The following VPS13A variants were observed in gnomAD, a reference collection of about 807,000 sequenced individuals.
The protein encoded by VPS13A is intermembrane lipid transfer protein VPS13A.
Under a neutral mutation model 390.9 loss-of-function variants are expected in VPS13A, and 264 were observed. That is an observed-to-expected ratio of 0.68 (90% confidence interval 0.61 to 0.75). The LOEUF is 0.75. Among genes scored for constraint, VPS13A ranks in the 30% least tolerant of loss-of-function variants. The pLI is 0.00. For synonymous variants in VPS13A, 1,231 were observed against 1,227.1 expected, an observed-to-expected ratio of 1.00 and a Z score of -0.07; for missense variants, 3,409 against 3,733.9, an observed-to-expected ratio of 0.91 and a Z score of 2.27.
At chr9:77,249,022 G>A (rs573667695) in intron 20 of VPS13A, among the ~76,000 whole-genome samples, 4 of 152,284 alleles carry the variant, frequency 2.6e-5, no homozygotes, top group South Asian at 4.1e-4. Context: ...GTGAGCCACC[G>A]CGCCTGGCCT....
chr9:77,384,804 C>A, intron 68 of VPS13A: 1 of 1,489,402 alleles, frequency 6.7e-7, no homozygotes, highest in South Asian at 1.3e-5. Context: ...AAAATGTTTT[C>A]CTACACATTT....
At chr9:77,313,957 ATTTTC>A (rs780704043) in intron 35 of VPS13A, 30 bp from the exon 36 acceptor site, 1 of 1,588,682 alleles carries the variant, frequency 6.3e-7, no homozygotes, top group East Asian at 2.4e-5. Context: ...TTTTCATGAT[ATTTTC>A]TTTTATTAAA....
In VPS13A at chr9:77,371,109, A is replaced by T. The variant is rs185663133; in HGVS notation, c.9037A>T (p.Ile3013Phe). ...VGAVARPTGG[I>F]IDMASSTFQG... ...AGCGGTAGCAAGGCCAACTGGAGGC[A>T]TCATAGACATGGCTAGCAGTACATT... The change falls in exon 67 of 72, where the codon ATC becomes TTC. Residue 3013 changes from isoleucine (I) to phenylalanine (F), a missense_variant. Coordinates refer to ENST00000360280, the MANE Select transcript of VPS13A (RefSeq NM_033305.3). 1 of 1,614,152 alleles carries T rather than the reference A, an allele frequency of 6.2e-7. No homozygotes were observed. Among genetic ancestry groups the T allele is most frequent in the Admixed American group, 1.7e-5 (1 of 60,010 alleles).
rs1286349838 is a variant in VPS13A, at chr9:77,403,429, C to T, written c.9275+108C>T. 12 of 899,766 alleles carry T rather than the reference C, an allele frequency of 1.3e-5. No homozygotes were observed. The Admixed American group carries it at 2.0e-4, about 15-fold the overall frequency. The allele number at this position is 899,766 out of a possible 1,614,324, so 55.7% of individuals were successfully genotyped here. A position where few individuals can be genotyped will look rare whatever the true frequency, so the allele number is the denominator to read the frequency against. The stretch of plus-strand genomic sequence containing the variant: ...TTTGTTCCATATAGTCACACTGATT[C>T]TTGGGTCTTCTTGCTCCACAAGCCT... On this transcript the variant is annotated intron_variant, in intron 69 of 71. Transcript: ENST00000360280.
intron 54 of VPS13A, among the ~76,000 whole-genome samples, chr9:77,356,499 C>G (rs1048450478): frequency 2.0e-5 from 3 of 152,174 alleles, no homozygotes; most frequent in Non-Finnish European, 4.4e-5. Flanking sequence ...GAGATGTTCA[C>G]TGATAACGGC....
In VPS13A at chr9:77,177,821, C is replaced by CGCCGCT. The variant is rs1220968232; in HGVS notation, c.100+18_100+23dup. The stretch of plus-strand genomic sequence containing the variant: ...TCTGGAAAGGTAAGGAGGCCGCCGC[C>CGCCGCT]GCCGCTCCCCGGCCTCTCGTGCTTC... On this transcript the variant is annotated intron_variant, in intron 1 of 71. Transcript: ENST00000360280. 6.3e-7 allele frequency: 1 copy of CGCCGCT among 1,598,320 alleles called. No individual in the cohort carries two copies. Among genetic ancestry groups the CGCCGCT allele is most frequent in the Admixed American group, 1.7e-5 (1 of 58,836 alleles).
At chr9:77,304,308 A>G (rs537136300) in intron 34 of VPS13A, among the ~76,000 whole-genome samples, 55 of 152,340 alleles carry the variant, frequency 3.6e-4, no homozygotes, top group African/African-American at 1.2e-3. Context: ...GGCTGGGTCA[A>G]AGTGGCTGGG....
At chr9:77,303,233 T>C (rs976730138) in intron 34 of VPS13A, among the ~76,000 whole-genome samples, 171 bp downstream of exon 34, 2 of 152,190 alleles carry the variant, frequency 1.3e-5, no homozygotes, top group African/African-American at 4.8e-5. Flanking sequence ...TGATTTATTC[T>C]TTTAACAAAT....
At chr9:77,244,990 AG>A (rs1278986024) in intron 19 of VPS13A, among the ~76,000 whole-genome samples, 1 of 152,186 alleles carries the variant, frequency 6.6e-6, no homozygotes, top group Non-Finnish European at 1.5e-5. Flanking sequence ...TGAATTTGGA[AG>A]TTGTAGAAAG....
intron 26 of VPS13A, among the ~76,000 whole-genome samples, chr9:77,277,709 TG>T (rs1461532831): frequency 6.6e-6 from 1 of 152,040 alleles, no homozygotes; most frequent in African/African-American, 2.4e-5. Context: ...TAGTAATATA[TG>T]CTGAAGTTAC....
At position 77,295,473 on chromosome 9, in the gene VPS13A, A is replaced by C. The variant is rs533342625; in HGVS notation, c.3508-69A>C. On this transcript the variant is annotated intron_variant, in intron 32 of 71. Transcript: ENST00000360280. ...TTTTTTAAATGGAGGTAAAACCATA[A>C]ATATCAATATATATTTAATAAGTCG... is the stretch of plus-strand genomic sequence containing the variant. 24 of 1,319,820 alleles carry C rather than the reference A, an allele frequency of 1.8e-5. No homozygotes were observed. In the East Asian group the frequency reaches 5.4e-4, roughly 30 times the overall value. The allele number at this position is 1,319,820 out of a possible 1,614,324, so 81.8% of individuals were successfully genotyped here. A position where few individuals can be genotyped will look rare whatever the true frequency, so the allele number is the denominator to read the frequency against.
intron 26 of VPS13A, 47 bp downstream of exon 26, chr9:77,276,268 G>A (rs1291672776): frequency 6.8e-7 from 1 of 1,476,260 alleles, no homozygotes; most frequent in Admixed American, 2.1e-5. Flanking sequence ...TTCATTGTTT[G>A]ACTACCTGCT....
chr9:77,279,296 G>C (rs1289580700), intron 26 of VPS13A, among the ~76,000 whole-genome samples: 3 of 152,090 alleles, frequency 2.0e-5, no homozygotes, highest in Non-Finnish European at 4.4e-5. Context: ...CCCTGAGGTT[G>C]GGCCACCCAG....
intron 67 of VPS13A, among the ~76,000 whole-genome samples, chr9:77,379,213 C>A (rs1195607181): frequency 6.6e-6 from 1 of 150,528 alleles, no homozygotes. Context: ...GCTGGGATTA[C>A]AGGCACACAC....
At position 77,315,267 on chromosome 9, in the gene VPS13A, CAGTT is replaced by C. The variant is rs1417219341; in HGVS notation, c.4428_4431del (p.Gly1478LeufsTer6). ...GTGTTTTCCAGAATGATAGGACTGACAGTTGGTTTTGACAAAAAAGACATGATGG... is the reference window on the plus strand; with the variant it reads ...GTGTTTTCCAGAATGATAGGACTGACGGTTTTGACAAAAAAGACATGATGG... On this transcript the variant is annotated frameshift_variant, in exon 38 of 72. Transcript: ENST00000360280. LOFTEE classifies it high-confidence loss of function. The C allele has an allele frequency of 1.2e-6, 2 of 1,613,816 alleles. No individual in the cohort carries two copies. Among genetic ancestry groups the C allele is most frequent in the Non-Finnish European group, 1.7e-6 (2 of 1,179,768 alleles).
chr9:77,217,431 T>C (rs965201493), intron 10 of VPS13A, among the ~76,000 whole-genome samples: 1 of 152,212 alleles, frequency 6.6e-6, no homozygotes, highest in Non-Finnish European at 1.5e-5. Flanking sequence ...ATTGTCCCCA[T>C]TAAGTAATTT....
At position 77,281,944 on chromosome 9, in the gene VPS13A, ATTTT is replaced by A. The variant is rs1827050640; in HGVS notation, c.2964+21_2964+24del. 1 of 1,479,958 alleles carries A rather than the reference ATTTT, an allele frequency of 6.8e-7. No homozygotes were observed. The highest frequency in any genetic ancestry group is 9.4e-7 in the Non-Finnish European group (1 of 1,064,922). 91.7% of individuals were successfully genotyped at this position (1,479,958 alleles called of 1,614,324 possible). ...TGATTAAGGTATGAGTAGATAATTT[ATTTT>A]TTAATTATGTACTATTTCTTATGGA... On this transcript the variant is annotated intron_variant, in intron 28 of 71. Coordinates refer to ENST00000360280, the MANE Select transcript of VPS13A (RefSeq NM_033305.3).
chr9:77,356,785 A>G lies in VPS13A; in HGVS notation c.7724A>G (p.Glu2575Gly), dbSNP rs1371825810. 6.2e-7 allele frequency: 1 copy of G among 1,613,890 alleles called. No homozygotes were observed. ...AAGCCAATGAGTGTAAAGCACACTG[A>G]GAAGTTAGAGAGAGAATTTAAGGAA... is the stretch of plus-strand genomic sequence containing the variant. ...RWKPMSVKHT[E>G]KLEREFKEYT... The change falls in exon 55 of 72, where the codon GAG (glutamate) becomes GGG (glycine). Residue 2575 changes from glutamate (E) to glycine (G), a missense_variant. By Grantham distance (98) the Glu-to-Gly change is moderately conservative (BLOSUM62 -2). Around this residue, in one of 5 missense-constraint regions of VPS13A, gnomAD observed 221 missense variants for 300.7 expected, o/e 0.73. Transcript: ENST00000360280.
In VPS13A at chr9:77,295,787, C is replaced by T. The variant is rs759933502; in HGVS notation, c.3753C>T (p.Ser1251=). The part of the protein sequence containing the change: ...NTFHMITESQ[S]SPPPVIDLIT... ...TTCATATGATAACAGAGAGCCAGAG[C>T]TCTCCCCCACCTGTTATTGATTTGA... Residue 1251 remains serine (S), a synonymous_variant, in exon 33 of 72, where the codon AGC becomes AGT. Transcript: ENST00000360280. 4 of 1,614,004 alleles carry T rather than the reference C, an allele frequency of 2.5e-6. No individual in the cohort carries two copies. In the South Asian group the frequency reaches 3.3e-5, roughly 13 times the overall value.
Sources: gnomAD v4.1 joint callset for allele counts (sites outside exome capture counted in the v4.1 genomes callset) on GRCh38, gnomAD v4.1.1 for gene constraint, gnomAD v4.1.1 regional missense constraint, MANE v1.5 for transcripts, NCBI Gene and HGNC (gene_info 2026-07-23, HGNC 2026-07-21) for gene names.